The following RGN variants were observed in gnomAD, a reference collection of about 807,000 sequenced individuals.
RGN encodes epididymis secretory protein Li 41.
In RGN, 19 loss-of-function variants were observed where a neutral mutation model predicts 20.6. The observed-to-expected ratio is 0.92, with a 90% CI of 0.64 to 1.35. The LOEUF (loss-of-function observed/expected upper bound fraction) is 1.35. Among genes scored for constraint, RGN ranks in the 40% most tolerant of loss-of-function variants. RGN has a pLI of 0.00. For synonymous variants in RGN, 85 were observed against 87.2 expected, an observed-to-expected ratio of 0.97 and a Z score of 0.14; for missense variants, 302 against 232.7, an observed-to-expected ratio of 1.30 and a Z score of -1.94.
chrX:47,090,688 T>C (rs112002161), intron 5 of RGN, among the ~76,000 whole-genome samples: 44 of 108,292 alleles, frequency 4.1e-4, no homozygotes, highest in Non-Finnish European at 8.0e-4. Context: ...CCCAGAACTC[T>C]GCATGCAGAT....
rs1931021759 is a variant in RGN at position 47,091,760 on chromosome X, G to T, written c.645G>T (p.Trp215Cys). The T allele has an allele frequency of 8.3e-7, 1 of 1,210,790 alleles. No homozygotes were observed. Residue 215 changes from tryptophan (W) to cysteine (C), a missense_variant, in exon 6 of 8, where the codon TGG becomes TGT. Trp to Cys is a radical substitution (Grantham distance 215). Coordinates refer to ENST00000397180, the MANE Select transcript of RGN (RefSeq NM_152869.4). Reference protein sequence around the residue: ...GMCIDAEGKLWVACYNGGRVI... With the variant: ...GMCIDAEGKLCVACYNGGRVI... The stretch of plus-strand genomic sequence containing the variant: ...GTATTGATGCTGAGGGGAAGCTCTG[G>T]GTGGCCTGTTACAATGGAGGAAGAG...
At chrX:47,089,632 C>G in intron 4 of RGN, 144 bp from the exon 5 acceptor site, 1 of 210,488 alleles carries the variant, frequency 4.8e-6, no homozygotes. Context: ...CACACACACA[C>G]ATATATATAT....
In RGN at chrX:47,092,174, G is replaced by A. The variant is rs184658792; in HGVS notation, c.808G>A (p.Glu270Lys). The change falls in exon 7 of 8, where the codon GAG becomes AAG. Residue 270 changes from glutamate (E) to lysine (K), a missense_variant. Physicochemically the swap from Glu to Lys is moderately conservative, Grantham distance 56. Transcript: ENST00000397180. ...VTCARDGMDP[E>K]GLLRQPEAGG... ...CTGCGCCCGGGATGGGATGGACCCC[G>A]AGGGTCTTTTGAGGCAACCTGAAGC... 9.6e-5 allele frequency: 115 copies of A among 1,192,233 alleles called. No homozygotes were observed. The East Asian group carries it at 2.1e-3, about 22-fold the overall frequency.
chrX:47,089,598 TACACACAC>T (rs200155890), intron 4 of RGN, among the ~76,000 whole-genome samples, 170 bp from the exon 5 acceptor site: 29 of 69,991 alleles, frequency 4.1e-4, no homozygotes, highest in African/African-American at 1.5e-3. Flanking sequence ...TATATATATA[TACACACAC>T]ACACACACAC....
In RGN at chrX:47,092,898, T is replaced by C. The variant is rs377320723; in HGVS notation, c.851T>C (p.Ile284Thr). 3.3e-6 allele frequency: 4 copies of C among 1,204,747 alleles called. No homozygotes were observed. The highest frequency in any genetic ancestry group is 2.3e-4 in the Middle Eastern group (1 of 4,326). Residue 284 changes from isoleucine (I) to threonine (T), a missense_variant and splice_region_variant, in exon 8 of 8, where the codon ATA becomes ACA. Physicochemically the swap from Ile to Thr is moderately conservative, Grantham distance 89. Coordinates refer to ENST00000397180, the MANE Select transcript of RGN (RefSeq NM_152869.4). ...ATTCCCTCTTTTCTTTTTCAACAGA[T>C]AACTGGTCTGGGGGTCAAAGGAATT... Reference protein sequence around the residue: ...RQPEAGGIFKITGLGVKGIAP... With the variant: ...RQPEAGGIFKTTGLGVKGIAP...
Position 47,092,999 on chromosome X carries a change from C to A in RGN, c.*52C>A. 1 of 986,134 alleles carries A rather than the reference C, an allele frequency of 1.0e-6. No homozygotes were observed. The highest frequency in any genetic ancestry group is 1.4e-6 in the Non-Finnish European group (1 of 708,659). The allele number at this position is 986,134 out of a possible 1,213,427, so 81.3% of individuals were successfully genotyped here. On this transcript the variant is annotated 3_prime_UTR_variant, in exon 8 of 8. Transcript: ENST00000397180. Reference sequence around the variant, plus strand: ...GAGCTCTGAAGACAACTAGAGAATTCTGGGCCTGAAATTTCAATCTAGTTA... The same window carrying A: ...GAGCTCTGAAGACAACTAGAGAATTATGGGCCTGAAATTTCAATCTAGTTA...
In RGN at chrX:47,084,472, T is replaced by C. The variant is rs377264025; in HGVS notation, c.218T>C (p.Ile73Thr). ...LRQSGGYVAT[I>T]GTKFCALNWK... is the part of the protein sequence containing the mutation. Reference sequence around the variant, plus strand: ...CAGTCGGGAGGCTATGTTGCCACCATTGGAACAAAGTTCTGTGCTTTGAAC... The same window carrying C: ...CAGTCGGGAGGCTATGTTGCCACCACTGGAACAAAGTTCTGTGCTTTGAAC... Residue 73 changes from isoleucine (I) to threonine (T), a missense_variant, in exon 4 of 8, where the codon ATT becomes ACT. By Grantham distance (89) the Ile-to-Thr change is moderately conservative. Transcript: ENST00000397180. 231 of 1,204,820 alleles carry C rather than the reference T, an allele frequency of 1.9e-4. No individual in the cohort carries two copies. Among genetic ancestry groups the C allele is most frequent in the Non-Finnish European group, 2.5e-4 (221 of 892,377 alleles).
At chrX:47,083,366 T>C (rs1556382347) in intron 3 of RGN, among the ~76,000 whole-genome samples, 1 of 107,555 alleles carries the variant, frequency 9.3e-6, no homozygotes, top group Non-Finnish European at 1.9e-5. Flanking sequence ...GACACTGCAC[T>C]CCAGCCTGGG....
intron 4 of RGN, among the ~76,000 whole-genome samples, chrX:47,087,147 C>T (rs1305599580): frequency 8.9e-6 from 1 of 112,031 alleles, no homozygotes; most frequent in Non-Finnish European, 1.9e-5. Context: ...AGATACTGCA[C>T]TTCACATATA....
intron 4 of RGN, among the ~76,000 whole-genome samples, chrX:47,085,227 G>T (rs1930531673): frequency 9.0e-6 from 1 of 111,541 alleles, no homozygotes; most frequent in Admixed American, 9.6e-5. Flanking sequence ...AGAAAAATAA[G>T]AATAGTACAG....
intron 6 of RGN, 69 bp downstream of exon 6, chrX:47,091,878 A>G (rs1430678719): frequency 2.3e-5 from 26 of 1,139,164 alleles, no homozygotes; most frequent in Non-Finnish European, 2.9e-5. Flanking sequence ...AGTTACAGTC[A>G]GAATTTCTTT....
At chrX:47,089,294 C>G (rs1930765429) in intron 4 of RGN, among the ~76,000 whole-genome samples, 1 of 88,897 alleles carries the variant, frequency 1.1e-5, no homozygotes, top group Non-Finnish European at 2.2e-5. Context: ...TGAACCAGAA[C>G]TTCTAGGCAC....
Position 47,092,072 on chromosome X carries a change from C to A in RGN, c.706C>A (p.Gln236Lys). 8.3e-7 allele frequency: 1 copy of A among 1,207,333 alleles called. No individual in the cohort carries two copies. The highest frequency in any genetic ancestry group is 1.1e-6 in the Non-Finnish European group (1 of 892,538). ...RLDPVTGKRL[Q>K]TVKLPVDKTT... ...ATTTGGTGGTCTAGGGAAAAGACTT[C>A]AAACTGTGAAGTTGCCTGTTGATAA... is the stretch of plus-strand genomic sequence containing the variant. Residue 236 changes from glutamine to lysine, a missense_variant, in exon 7 of 8, where the codon CAA becomes AAA. Transcript: ENST00000397180.
rs186968265 is a variant in RGN, at chrX:47,081,448, C to T, written c.163+141C>T. ...CCACTCCATATCCTCCCACTTTGACCCAGGGTTTAATTATGGATGGTCAAT... is the reference window on the plus strand; with the variant it reads ...CCACTCCATATCCTCCCACTTTGACTCAGGGTTTAATTATGGATGGTCAAT... On this transcript the variant is annotated intron_variant, in intron 3 of 7. Transcript: ENST00000397180. 8.3e-6 allele frequency: 4 copies of T among 483,551 alleles called. 1 individual carries two copies. Among genetic ancestry groups the T allele is most frequent in the Non-Finnish European group, 1.4e-5 (4 of 294,076 alleles). The allele number at this position is 483,551 out of a possible 1,213,427, so 39.9% of individuals were successfully genotyped here. A position where few individuals can be genotyped will look rare whatever the true frequency, so the allele number is the denominator to read the frequency against.
chrX:47,084,671 T>C, intron 4 of RGN, 71 bp downstream of exon 4: 2 of 971,377 alleles, frequency 2.1e-6, no homozygotes, highest in Non-Finnish European at 2.8e-6. Flanking sequence ...AAGTTCTCAC[T>C]ACTGACCAGG....
intron 4 of RGN, among the ~76,000 whole-genome samples, chrX:47,088,710 T>A (rs1930719878): frequency 9.2e-6 from 1 of 108,375 alleles, no homozygotes; most frequent in Admixed American, 1.0e-4. Flanking sequence ...GGCAAGTAGA[T>A]CACTTGAGCT....
intron 5 of RGN, 60 bp downstream of exon 5, chrX:47,090,051 T>A: frequency 1.2e-6 from 1 of 863,597 alleles, no homozygotes; most frequent in Non-Finnish European, 1.6e-6. Flanking sequence ...TGTTTGTGAC[T>A]AGTAAGGCGC....
In RGN at chrX:47,089,532, A is replaced by ATTATATATACT. The variant is rs1930808852; in HGVS notation, c.347-243_347-242insTATATATACTT. 6.0e-5 allele frequency among the ~76,000 whole-genome samples: 2 copies of ATTATATATACT among 33,251 alleles called. 1 individual carries two copies. Among genetic ancestry groups the ATTATATATACT allele is most frequent in the Non-Finnish European group, 1.0e-4 (2 of 19,543 alleles). The allele number at this position is 33,251 out of a possible 115,157, so 28.9% of individuals were successfully genotyped here. On this transcript the variant is annotated intron_variant, in intron 4 of 7. Coordinates refer to ENST00000397180, the MANE Select transcript of RGN (RefSeq NM_152869.4). ...TTATATATACATATTATATATACTC[A>ATTATATATACT]TATATATACATATTATATACACTTA...
chrX:47,087,883 A>G (rs1556384885), intron 4 of RGN, among the ~76,000 whole-genome samples: 1 of 101,888 alleles, frequency 9.8e-6, no homozygotes, highest in Non-Finnish European at 2.0e-5. Flanking sequence ...TTATAATTAT[A>G]TAAGCATATA....
Sources: gnomAD v4.1 joint callset for allele counts (sites outside exome capture counted in the v4.1 genomes callset) on GRCh38, gnomAD v4.1.1 for gene constraint, MANE v1.5 for transcripts, NCBI Gene and HGNC (gene_info 2026-07-23, HGNC 2026-07-21) for gene names.